The following CCNB3 variants were observed in gnomAD, a reference collection of about 807,000 sequenced individuals.
The protein encoded by CCNB3 is cyclin B3.
In CCNB3, 12 loss-of-function variants were observed where a neutral mutation model predicts 68.0. The observed-to-expected ratio is 0.18, with a 90% CI of 0.11 to 0.29. CCNB3 has a LOEUF of 0.29. Ranked by LOEUF, CCNB3 falls within the 10% of genes least tolerant of loss-of-function variation. CCNB3 has a pLI of 1.00. For synonymous variants in CCNB3, 354 were observed against 388.9 expected (o/e 0.91, Z 1.06); for missense variants, 904 against 993.1 (o/e 0.91, Z 1.21).
At position 50,308,753 on chromosome X, in the gene CCNB3, C is replaced by T; in HGVS notation, c.584C>T (p.Pro195Leu). ...GTGTCCTTACTGGAAAAGCTACAGCCCCTGCAGGAGGAGAGTGACAGTGAT... is the reference window on the plus strand; with the variant it reads ...GTGTCCTTACTGGAAAAGCTACAGCTCCTGCAGGAGGAGAGTGACAGTGAT... ...EEVSLLEKLQ[P>L]LQEESDSDDA... The change falls in exon 6 of 13, where the codon CCC (proline) becomes CTC (leucine). Residue 195 changes from proline to leucine, a missense_variant. Around this residue, in one of 2 missense-constraint regions of CCNB3, gnomAD observed 619 missense variants for 609.8 expected, o/e 1.02. Transcript: ENST00000376042. The T allele has an allele frequency of 1.7e-6, 2 of 1,211,018 alleles. No individual in the cohort carries two copies. Among genetic ancestry groups the T allele is most frequent in the Non-Finnish European group, 2.2e-6 (2 of 895,148 alleles).
intron 1 of CCNB3, among the ~76,000 whole-genome samples, chrX:50,223,671 G>T (rs968620954): frequency 1.4e-3 from 153 of 112,404 alleles, no homozygotes; most frequent in African/African-American, 4.8e-3. Flanking sequence ...CCAGATGCCA[G>T]CCAGAGCTCT....
chrX:50,325,777 G>T (rs1452228751), intron 8 of CCNB3, among the ~76,000 whole-genome samples: 1 of 111,644 alleles, frequency 9.0e-6, no homozygotes, highest in East Asian at 2.8e-4. Context: ...TCATATATAT[G>T]TGTGTGTGTG....
intron 9 of CCNB3, among the ~76,000 whole-genome samples, chrX:50,343,246 T>A (rs781994430): frequency 9.9e-5 from 11 of 110,865 alleles, no homozygotes; most frequent in African/African-American, 2.6e-4. Flanking sequence ...TCTTCATTTT[T>A]TTTTATTTTA....
At chrX:50,211,237 T>A (rs1258225280) in intron 1 of CCNB3, among the ~76,000 whole-genome samples, 1 of 111,754 alleles carries the variant, frequency 8.9e-6, no homozygotes, top group Non-Finnish European at 1.9e-5. Flanking sequence ...CACTCCAGCC[T>A]GGCTGACAGA....
At chrX:50,314,800 T>C (rs939253888) in intron 8 of CCNB3, among the ~76,000 whole-genome samples, 17 of 111,213 alleles carry the variant, frequency 1.5e-4, no homozygotes, top group African/African-American at 4.9e-4. Context: ...AAAGATTGCT[T>C]ATCATTGCCA....
intron 8 of CCNB3, among the ~76,000 whole-genome samples, chrX:50,316,970 C>A (rs1557215850): frequency 8.9e-6 from 1 of 112,142 alleles, no homozygotes; most frequent in African/African-American, 3.2e-5. Context: ...GGAGTGGGAT[C>A]ATTGGGACAT....
intron 1 of CCNB3, among the ~76,000 whole-genome samples, chrX:50,279,418 A>G (rs1399294510): frequency 4.0e-5 from 3 of 75,394 alleles, no homozygotes; most frequent in Non-Finnish European, 6.8e-5. Context: ...ATATATAAAT[A>G]TATAAATATA....
At chrX:50,281,757 G>A (rs898597480) in intron 1 of CCNB3, among the ~76,000 whole-genome samples, 1 of 111,631 alleles carries the variant, frequency 9.0e-6, no homozygotes, top group Non-Finnish European at 1.9e-5. Flanking sequence ...AAGTGAAAGT[G>A]TGCAGGATTA....
chrX:50,293,331 AT>A (rs782258281), intron 4 of CCNB3, among the ~76,000 whole-genome samples: 10 of 109,484 alleles, frequency 9.1e-5, no homozygotes, highest in Admixed American at 2.9e-4. Context: ...GGATTTGTTG[AT>A]TTTTTTTAAG....
chrX:50,338,456 G>A (rs1922965472), intron 8 of CCNB3, among the ~76,000 whole-genome samples: 1 of 111,895 alleles, frequency 8.9e-6, no homozygotes, highest in African/African-American at 3.2e-5. Context: ...GCAAGCAGTG[G>A]GTATGTGACT....
chrX:50,213,284 A>G (rs1263252754), intron 1 of CCNB3, among the ~76,000 whole-genome samples: 1 of 112,304 alleles, frequency 8.9e-6, no homozygotes, highest in East Asian at 2.8e-4. Context: ...CTCAGTGTAT[A>G]AGACAATGTC....
chrX:50,337,528 G>A (rs897957000), intron 8 of CCNB3, among the ~76,000 whole-genome samples: 8 of 110,998 alleles, frequency 7.2e-5, no homozygotes, highest in Admixed American at 9.6e-5. Flanking sequence ...CCATACCTTC[G>A]AGACAAGGGA....
chrX:50,290,410 A>G (rs1435068573), intron 4 of CCNB3, among the ~76,000 whole-genome samples: 1 of 111,391 alleles, frequency 9.0e-6, no homozygotes, highest in Non-Finnish European at 1.9e-5. Flanking sequence ...GGCCTCTTTT[A>G]TAAGGGCACT....
At chrX:50,343,832 A>T (rs782226431) in intron 9 of CCNB3, among the ~76,000 whole-genome samples, 32 of 112,740 alleles carry the variant, frequency 2.8e-4, no homozygotes, top group African/African-American at 9.3e-4. Context: ...AGTTTTACAA[A>T]ATAAAGTTAC....
At position 50,209,215 on chromosome X, in the gene CCNB3, T is replaced by A. The variant is rs1191177519; in HGVS notation, c.-113+4265T>A. On this transcript the variant is annotated intron_variant, in intron 1 of 12. Coordinates refer to ENST00000376042, the MANE Select transcript of CCNB3 (RefSeq NM_033031.3). Reference sequence around the variant, plus strand: ...AACACCCATGATTCCATTACCATAATCAAGGTAGCAGTCACATCCAACACC... The same window carrying A: ...AACACCCATGATTCCATTACCATAAACAAGGTAGCAGTCACATCCAACACC... 1.5e-4 allele frequency among the ~76,000 whole-genome samples: 17 copies of A among 112,131 alleles called. 1 individual carries two copies. The highest frequency in any genetic ancestry group is 2.6e-4 in the Non-Finnish European group (14 of 53,241).
chrX:50,312,297 G>C (rs1921505431), intron 6 of CCNB3, among the ~76,000 whole-genome samples: 1 of 110,828 alleles, frequency 9.0e-6, no homozygotes, highest in Admixed American at 9.6e-5. Context: ...CCCATAAAAA[G>C]GGTCCCTTGT....
chrX:50,335,002 T>C (rs1363197168), intron 8 of CCNB3, among the ~76,000 whole-genome samples: 1 of 112,123 alleles, frequency 8.9e-6, no homozygotes, highest in Non-Finnish European at 1.9e-5. Flanking sequence ...AGCTTTCTTC[T>C]TGGACACCTT....
chrX:50,279,772 G>A (rs1379471789), intron 1 of CCNB3, among the ~76,000 whole-genome samples: 1 of 87,055 alleles, frequency 1.1e-5, no homozygotes. Flanking sequence ...ATATGAATAT[G>A]TATATTCATA....
intron 8 of CCNB3, among the ~76,000 whole-genome samples, chrX:50,338,314 C>T (rs1414547224): frequency 8.9e-6 from 1 of 112,254 alleles, no homozygotes; most frequent in East Asian, 2.8e-4. Context: ...TGGAAGGAAA[C>T]AGCTTTATTC....
Sources: gnomAD v4.1 joint callset for allele counts (sites outside exome capture counted in the v4.1 genomes callset) on GRCh38, gnomAD v4.1.1 for gene constraint, gnomAD v4.1.1 regional missense constraint, MANE v1.5 for transcripts, NCBI Gene and HGNC (gene_info 2026-07-23, HGNC 2026-07-21) for gene names.